The following CDH11 variants were observed in gnomAD, a reference collection of about 807,000 sequenced individuals.
CDH11 encodes cadherin-11.
A neutral mutation model predicts 67.8 loss-of-function variants in CDH11; 11 were observed. That is an observed-to-expected ratio of 0.16 (90% CI 0.10 to 0.27). The LOEUF is 0.27. Among genes scored for constraint, CDH11 ranks in the 10% least tolerant of loss-of-function variants. CDH11 has a pLI of 1.00. For synonymous variants in CDH11, 419 were observed against 400.0 expected (o/e 1.05, Z -0.57); for missense variants, 847 against 1,031.2 (o/e 0.82, Z 2.45).
At chr16:65,067,674 T>C (rs1421929788) in intron 1 of CDH11, among the ~76,000 whole-genome samples, 1 of 144,578 alleles carries the variant, frequency 6.9e-6, no homozygotes, top group Non-Finnish European at 1.5e-5. Context: ...TTGGGACCTA[T>C]GTAAAGGTGA....
chr16:65,045,329 GTATATATATATATATATATATA>G (rs57695452), intron 2 of CDH11, among the ~76,000 whole-genome samples: 1,844 of 63,238 alleles, frequency 0.029, 96 homozygotes, highest in Non-Finnish European at 0.038. Context: ...TCCCTCAAAA[GTATATATATATATATATATATA>G]TATATATATA....
intron 11 of CDH11, among the ~76,000 whole-genome samples, chr16:64,954,742 G>A (rs1283124015): frequency 6.6e-6 from 1 of 152,056 alleles, no homozygotes; most frequent in Admixed American, 6.6e-5. Flanking sequence ...CTCAGAAGTG[G>A]CATTTCTGAG....
At chr16:65,079,175 G>A (rs2074567272) in intron 1 of CDH11, among the ~76,000 whole-genome samples, 1 of 152,158 alleles carries the variant, frequency 6.6e-6, no homozygotes, top group African/African-American at 2.4e-5. Context: ...TCTGCACAAA[G>A]TTTGCAATCT....
chr16:64,967,447 T>C (rs1277691040), intron 11 of CDH11, among the ~76,000 whole-genome samples: 1 of 152,182 alleles, frequency 6.6e-6, no homozygotes, highest in East Asian at 1.9e-4. Context: ...CTTGAACTCC[T>C]GAGCTCAGGC....
rs1398193552 is a variant in CDH11 at position 64,988,212 on chromosome 16, G to A, written c.944C>T (p.Ser315Leu). 6.8e-6 allele frequency: 11 copies of A among 1,612,866 alleles called. No homozygotes were observed. In the East Asian group the frequency reaches 1.3e-4, roughly 20 times the overall value. The change falls in exon 7 of 13, where the codon TCG becomes TTG. Residue 315 changes from serine (S) to leucine (L), a missense_variant. Transcript: ENST00000268603. ...YNIVDGDGME[S>L]FEITTDYETQ... ...TTCATAGTCCGTTGTGATTTCAAAC[G>A]ATTCCATACCATCTCCATCAACAAT...
chr16:65,008,058 A>G (rs1567524810), intron 2 of CDH11, among the ~76,000 whole-genome samples: 1 of 152,258 alleles, frequency 6.6e-6, no homozygotes, highest in Non-Finnish European at 1.5e-5. Context: ...TCTTGCATAT[A>G]AGCCATGAAG....
chr16:64,973,473 A>G (rs1478054102), intron 8 of CDH11, among the ~76,000 whole-genome samples: 1 of 152,192 alleles, frequency 6.6e-6, no homozygotes, highest in African/African-American at 2.4e-5. Context: ...TAAATTTATC[A>G]AGATCATGTA....
intron 7 of CDH11, among the ~76,000 whole-genome samples, chr16:64,983,720 G>A (rs1018824571): frequency 1.3e-5 from 2 of 152,142 alleles, no homozygotes; most frequent in Non-Finnish European, 2.9e-5. Flanking sequence ...CTGGGACCCA[G>A]CAGTTCCTTT....
chr16:64,994,646 G>C (rs993040443), intron 4 of CDH11, among the ~76,000 whole-genome samples: 1 of 152,148 alleles, frequency 6.6e-6, no homozygotes, highest in Non-Finnish European at 1.5e-5. Flanking sequence ...TTCAGAGCAG[G>C]AATAAGACAA....
intron 2 of CDH11, among the ~76,000 whole-genome samples, chr16:65,014,204 A>C (rs1444480437): frequency 3.9e-5 from 6 of 152,216 alleles, no homozygotes; most frequent in Admixed American, 3.9e-4. Context: ...AGATTGCTAA[A>C]TGCAATAATA....
intron 6 of CDH11, among the ~76,000 whole-genome samples, chr16:64,989,931 T>C (rs1339156582): frequency 6.6e-6 from 1 of 152,208 alleles, no homozygotes; most frequent in Non-Finnish European, 1.5e-5. Context: ...TATTTATCAA[T>C]AGTATTTTGC....
At chr16:64,973,117 T>C in intron 8 of CDH11, 77 bp from the exon 9 acceptor site, 1 of 1,366,084 alleles carries the variant, frequency 7.3e-7, no homozygotes, top group South Asian at 1.3e-5. Flanking sequence ...CTCCATGCTA[T>C]ATTTAAATCA....
chr16:64,997,050 G>A (rs2072788655), intron 4 of CDH11, among the ~76,000 whole-genome samples: 1 of 151,954 alleles, frequency 6.6e-6, no homozygotes, highest in Admixed American at 6.6e-5. Flanking sequence ...TGTAATCTCA[G>A]CACTTTGGGA....
At chr16:64,987,845 T>C in intron 7 of CDH11, 1 of 229,564 alleles carries the variant, frequency 4.4e-6, no homozygotes, top group South Asian at 1.5e-4. Flanking sequence ...CAGGGCTGCT[T>C]CTTCAAAATC....
chr16:65,031,815 A>C (rs1365686881), intron 2 of CDH11, among the ~76,000 whole-genome samples: 1 of 152,214 alleles, frequency 6.6e-6, no homozygotes, highest in African/African-American at 2.4e-5. Context: ...GCTGAAGCAT[A>C]CAAAGATGGA....
chr16:65,043,308 A>C lies in CDH11; in HGVS notation c.-173+10496T>G, dbSNP rs550059860. ...AATAGAGTTTGTCACAGGTTGGATT[A>C]TCTGGGACGCTGACTCTGAGATGGA... On this transcript the variant is annotated intron_variant, in intron 2 of 12. Coordinates refer to ENST00000268603, the MANE Select transcript of CDH11 (RefSeq NM_001797.4). Among the ~76,000 whole-genome samples the C allele has an allele frequency of 2.5e-3, 376 of 152,308 alleles. 3 individuals are homozygous for C. Among genetic ancestry groups the C allele is most frequent in the African/African-American group, 8.4e-3 (349 of 41,562 alleles).
intron 2 of CDH11, among the ~76,000 whole-genome samples, chr16:65,008,829 T>C (rs865883409): frequency 3.3e-5 from 5 of 152,266 alleles, no homozygotes; most frequent in East Asian, 3.9e-4. Flanking sequence ...AAATTACTAT[T>C]GGAACTCAGT....
chr16:64,992,932 G>A lies in CDH11; in HGVS notation c.626C>T (p.Ser209Leu), dbSNP rs746370506. Residue 209 changes from serine to leucine, a missense_variant, in exon 5 of 13, where the codon TCG (serine) becomes TTG (leucine). By Grantham distance (145) the Ser-to-Leu change is moderately radical. Transcript: ENST00000268603. ...YSILEGQPYF[S>L]VEAQTGIIRT... ...CACAGTACCTGTCTGTGCTTCCACC[G>A]AAAAATAGGGTTGTCCTTCGAGGAT... 23 of 1,613,170 alleles carry A rather than the reference G, an allele frequency of 1.4e-5. No individual in the cohort carries two copies. The highest frequency in any genetic ancestry group is 1.7e-5 in the Non-Finnish European group (20 of 1,179,400).
chr16:65,044,635 G>C lies in CDH11; in HGVS notation c.-173+9169C>G, dbSNP rs116384954. Among the ~76,000 whole-genome samples, 820 of 152,128 alleles carry C rather than the reference G, an allele frequency of 5.4e-3. 10 individuals carry two copies. The highest frequency in any genetic ancestry group is 0.019 in the African/African-American group (776 of 41,502). ...TGCTTCTCTGCTCACTCGGACAAAT[G>C]GGGGAAGAGAAGAAAAATGTGTGCA... On this transcript the variant is annotated intron_variant, in intron 2 of 12. Transcript: ENST00000268603.
Sources: gnomAD v4.1 joint callset for allele counts (sites outside exome capture counted in the v4.1 genomes callset) on GRCh38, gnomAD v4.1.1 for gene constraint, MANE v1.5 for transcripts, NCBI Gene and HGNC (gene_info 2026-07-23, HGNC 2026-07-21) for gene names.